TSC22D1: variants seen among roughly 807,000 people sequenced by gnomAD.
TSC22D1 encodes TSC22 domain family member 1.
A neutral mutation model predicts 74.2 loss-of-function variants in TSC22D1; 9 were observed. The observed-to-expected ratio is 0.12, with a 90% confidence interval of 0.07 to 0.21. TSC22D1 has a LOEUF of 0.21. Among genes scored for constraint, TSC22D1 ranks in the 10% least tolerant of loss-of-function variants. The pLI is 1.00. For synonymous variants in TSC22D1, 586 were observed against 492.5 expected, an observed-to-expected ratio of 1.19 and a Z score of -2.51; for missense variants, 1,427 against 1,304.7, an observed-to-expected ratio of 1.09 and a Z score of -1.44.
At chr13:44,570,057 G>A (rs1883651865) in intron 1 of TSC22D1, among the ~76,000 whole-genome samples, 1 of 152,146 alleles carries the variant, frequency 6.6e-6, no homozygotes, top group African/African-American at 2.4e-5. Context: ...AGGATGAATA[G>A]AAGTTTGACC....
chr13:44,566,078 G>A (rs1291723773), intron 1 of TSC22D1, among the ~76,000 whole-genome samples: 1 of 152,052 alleles, frequency 6.6e-6, no homozygotes, highest in African/African-American at 2.4e-5. Context: ...TCTCACCAAG[G>A]ACTTGCAGGG....
rs561044075 is a variant in TSC22D1 at position 44,538,465 on chromosome 13, T to G, written c.2912+34698A>C. ...AAGTTTTCTGGACTTCCTCTACTACTTAAAAAAATGTTTGCCTACTTCATT... is the reference window on the plus strand; with the variant it reads ...AAGTTTTCTGGACTTCCTCTACTACGTAAAAAAATGTTTGCCTACTTCATT... On this transcript the variant is annotated intron_variant, in intron 1 of 2. Coordinates refer to ENST00000458659, the MANE Select transcript of TSC22D1 (RefSeq NM_183422.4). The G allele has an allele frequency of 2.3e-5, 23 of 985,402 alleles. No homozygotes were observed. In the South Asian group the frequency reaches 8.9e-4, roughly 38 times the overall value. The allele number at this position is 985,402 out of a possible 1,614,324, so 61.0% of individuals were successfully genotyped here.
In TSC22D1 at chr13:44,452,129, T is replaced by C. The variant is rs117766116; in HGVS notation, c.2913-16034A>G. On this transcript the variant is annotated intron_variant, in intron 1 of 2. Coordinates refer to ENST00000458659, the MANE Select transcript of TSC22D1 (RefSeq NM_183422.4). The stretch of plus-strand genomic sequence containing the variant: ...CTTTGAACAAAACACGATATAAAGC[T>C]ATCAAATAACAGAACTAAGCCTTAA... Among the ~76,000 whole-genome samples, 20 of 152,234 alleles carry C rather than the reference T, an allele frequency of 1.3e-4. No homozygotes were observed. In the East Asian group the frequency reaches 3.7e-3, roughly 28 times the overall value.
Position 44,575,144 on chromosome 13 carries a change from T to C in TSC22D1, c.931A>G (p.Ser311Gly), listed in dbSNP as rs1884117526. 2 of 1,614,176 alleles carry C rather than the reference T, an allele frequency of 1.2e-6. No homozygotes were observed. The highest frequency in any genetic ancestry group is 1.7e-6 in the Non-Finnish European group (2 of 1,180,018). Residue 311 changes from serine (S) to glycine (G), a missense_variant, in exon 1 of 3, where the codon AGT becomes GGT. This residue lies in a region of TSC22D1 where 1,343 missense variants were observed against 1,191.5 expected (regional missense o/e 1.13). Transcript: ENST00000458659. The part of the protein sequence containing the change: ...GIGINSVTGT[S>G]TVNNVNITAV... ...GTAATGTTAACATTATTTACTGTAC[T>C]AGTGCCAGTAACAGAATTTATACCT... is the stretch of plus-strand genomic sequence containing the variant.
intron 1 of TSC22D1, among the ~76,000 whole-genome samples, chr13:44,491,767 T>C (rs1386844942): frequency 1.3e-5 from 2 of 152,128 alleles, no homozygotes; most frequent in African/African-American, 2.4e-5. Context: ...ATCAGCAAAA[T>C]TGAAGCAGCC....
intron 1 of TSC22D1, among the ~76,000 whole-genome samples, chr13:44,482,156 TCTA>T (rs910711353): frequency 3.9e-5 from 6 of 152,226 alleles, no homozygotes; most frequent in African/African-American, 1.4e-4. Flanking sequence ...ATGCTGTTAG[TCTA>T]CTAAGTGCCA....
chr13:44,487,957 C>G (rs1056017795), intron 1 of TSC22D1, among the ~76,000 whole-genome samples: 2 of 151,932 alleles, frequency 1.3e-5, no homozygotes, highest in Non-Finnish European at 2.9e-5. Flanking sequence ...ATTTGGGAGG[C>G]TAAGGCATGA....
chr13:44,543,937 CA>C (rs756716902), intron 1 of TSC22D1, among the ~76,000 whole-genome samples: 4 of 151,860 alleles, frequency 2.6e-5, no homozygotes, highest in Non-Finnish European at 5.9e-5. Context: ...ACTAAAAATA[CA>C]AAAAATTAGC....
intron 1 of TSC22D1, among the ~76,000 whole-genome samples, chr13:44,444,630 T>C (rs935546003): frequency 2.0e-4 from 31 of 152,068 alleles, no homozygotes; most frequent in African/African-American, 6.0e-4. Flanking sequence ...CTGACTACAA[T>C]GTAATTAAAT....
intron 1 of TSC22D1, among the ~76,000 whole-genome samples, chr13:44,531,530 A>G (rs555259311): frequency 1.3e-5 from 2 of 150,322 alleles, no homozygotes; most frequent in African/African-American, 4.8e-5. Context: ...AATTAGGTAA[A>G]TATACCTGAA....
At chr13:44,513,443 G>A (rs1167472204) in intron 1 of TSC22D1, among the ~76,000 whole-genome samples, 1 of 152,064 alleles carries the variant, frequency 6.6e-6, no homozygotes, top group Non-Finnish European at 1.5e-5. Flanking sequence ...TTTTTGTCAT[G>A]TATTTTCAAA....
In TSC22D1 at chr13:44,434,800, T is replaced by C. The variant is rs973050706; in HGVS notation, c.3048A>G (p.Lys1016=). 1.9e-6 allele frequency: 3 copies of C among 1,614,086 alleles called. No homozygotes were observed. The highest frequency in any genetic ancestry group is 2.5e-6 in the Non-Finnish European group (3 of 1,180,036). ...LKEQIKELIE[K]NSQLEQENNL... ...TGTTCTCCTGCTCCAGCTGGGAATT[T>C]TTCTCTATTAGTTCTTTGATTTGCT... The change falls in exon 3 of 3, where the codon AAA becomes AAG. Residue 1016 remains lysine (K), a synonymous_variant. Transcript: ENST00000458659.
chr13:44,495,869 AAC>A (rs1196862860), intron 1 of TSC22D1, among the ~76,000 whole-genome samples: 1 of 152,230 alleles, frequency 6.6e-6, no homozygotes, highest in African/African-American at 2.4e-5. Context: ...AACTAAATGT[AAC>A]AGTTAAAACT....
chr13:44,466,614 C>CA (rs1877301702), intron 1 of TSC22D1, among the ~76,000 whole-genome samples: 2 of 151,478 alleles, frequency 1.3e-5, no homozygotes, highest in African/African-American at 2.4e-5. Flanking sequence ...ACTAAAAATA[C>CA]AAAAAATCAA....
intron 1 of TSC22D1, among the ~76,000 whole-genome samples, chr13:44,454,979 G>C (rs1237476820): frequency 6.6e-6 from 1 of 152,058 alleles, no homozygotes; most frequent in Non-Finnish European, 1.5e-5. Context: ...TTTGTGTCAG[G>C]AACTGTTCTA....
chr13:44,459,832 C>G (rs1021037360), intron 1 of TSC22D1, among the ~76,000 whole-genome samples: 1 of 152,216 alleles, frequency 6.6e-6, no homozygotes, highest in African/African-American at 2.4e-5. Flanking sequence ...AGCCAGCACA[C>G]CTGGCTGTGC....
At chr13:44,480,460 A>C (rs1045819997) in intron 1 of TSC22D1, among the ~76,000 whole-genome samples, 6 of 151,950 alleles carry the variant, frequency 3.9e-5, no homozygotes, top group African/African-American at 1.4e-4. Flanking sequence ...ACATGAATCA[A>C]ATAATTATAA....
At chr13:44,445,603 A>G (rs1412647959) in intron 1 of TSC22D1, among the ~76,000 whole-genome samples, 1 of 152,156 alleles carries the variant, frequency 6.6e-6, no homozygotes, top group Non-Finnish European at 1.5e-5. Context: ...ATAGACCAGA[A>G]TTAAGTACCG....
chr13:44,473,061 C>T (rs1296990838), intron 1 of TSC22D1, among the ~76,000 whole-genome samples: 2 of 152,136 alleles, frequency 1.3e-5, no homozygotes, highest in East Asian at 3.8e-4. Flanking sequence ...CAGGGGAATT[C>T]CTCTTTTTAA....
Sources: allele counts gnomAD v4.1 joint callset (sites outside exome capture counted in the v4.1 genomes callset), GRCh38; gene constraint gnomAD v4.1.1; regional missense constraint gnomAD v4.1.1; transcripts MANE v1.5; gene names NCBI Gene and HGNC (gene_info 2026-07-23, HGNC 2026-07-21).